The following PCNX2 variants were observed in gnomAD, a reference collection of about 807,000 sequenced individuals.
PCNX2 encodes the protein pecanex-like protein 2.
A neutral mutation model predicts 223.8 loss-of-function variants in PCNX2; 168 were observed. The ratio of observed to expected loss-of-function variants is 0.75; its 90% CI spans 0.66 to 0.85. PCNX2 has a LOEUF of 0.85. Ranked by LOEUF, PCNX2 falls within the 40% of genes least tolerant of loss-of-function variation. PCNX2 has a pLI of 0.00. For missense variants in PCNX2, 2,507 were observed against 2,675.5 expected (o/e 0.94, Z 1.39); for synonymous variants, 1,006 against 1,052.6 (o/e 0.96, Z 0.86).
At chr1:233,322,552 G>T in the PCNX2 span, among the ~76,000 whole-genome samples, 1 of 152,052 alleles carries the variant, frequency 6.6e-6, no homozygotes, top group Admixed American at 6.5e-5. Flanking sequence ...GGTGTGGAGG[G>T]TTACAGACAC....
chr1:233,208,186 T>C (rs779721638), intron 13 of PCNX2, among the ~76,000 whole-genome samples: 7 of 152,196 alleles, frequency 4.6e-5, no homozygotes, highest in Non-Finnish European at 8.8e-5. Context: ...CTTGAAATCC[T>C]GACCTCAGGT....
In PCNX2 at chr1:233,291,864, T is replaced by C. The variant is rs150075776; in HGVS notation, c.153+3462A>G. The C allele has an allele frequency of 1.3e-5, 13 of 985,206 alleles. No homozygotes were observed. In the East Asian group the frequency reaches 3.4e-4, roughly 26 times the overall value. The allele number at this position is 985,206 out of a possible 1,614,324, so 61.0% of individuals were successfully genotyped here. A position where few individuals can be genotyped will look rare whatever the true frequency, so the allele number is the denominator to read the frequency against. On this transcript the variant is annotated intron_variant, in intron 1 of 33. Coordinates refer to ENST00000258229, the MANE Select transcript of PCNX2 (RefSeq NM_014801.4). ...GAAAAGGAGGTTGGGAACTGTGTAT[T>C]TGACATGAGGCTAGTGCTCTCAGAA... is the stretch of plus-strand genomic sequence containing the variant.
intron 9 of PCNX2, among the ~76,000 whole-genome samples, chr1:233,230,802 T>C (rs1043873346): frequency 6.6e-6 from 1 of 152,204 alleles, no homozygotes; most frequent in African/African-American, 2.4e-5. Context: ...CAAGAACAAC[T>C]TACATTATTA....
intron 1 of PCNX2, among the ~76,000 whole-genome samples, chr1:233,282,147 A>T (rs879800744): frequency 5.3e-5 from 8 of 152,130 alleles, no homozygotes; most frequent in Non-Finnish European, 8.8e-5. Context: ...CTGTTTTCTC[A>T]GCAGCGAGCA....
intron 24 of PCNX2, among the ~76,000 whole-genome samples, chr1:233,054,857 TA>T (rs1341940289): frequency 6.6e-6 from 1 of 152,160 alleles, no homozygotes; most frequent in Non-Finnish European, 1.5e-5. Flanking sequence ...ATATATAAAT[TA>T]AAAATTCAGG....
intron 19 of PCNX2, among the ~76,000 whole-genome samples, chr1:233,142,607 G>A (rs1677195314): frequency 6.6e-6 from 1 of 152,118 alleles, no homozygotes; most frequent in Non-Finnish European, 1.5e-5. Flanking sequence ...GTACTTCTCA[G>A]CTTCTTGGAA....
At chr1:233,065,304 G>A (rs1356210639) in intron 23 of PCNX2, among the ~76,000 whole-genome samples, 1 of 152,164 alleles carries the variant, frequency 6.6e-6, no homozygotes, top group Non-Finnish European at 1.5e-5. Context: ...TATTGTAAAA[G>A]TCTATTTCCT....
At chr1:233,220,913 T>C (rs1334422958) in intron 10 of PCNX2, among the ~76,000 whole-genome samples, 2 of 152,222 alleles carry the variant, frequency 1.3e-5, no homozygotes, top group African/African-American at 4.8e-5. Flanking sequence ...GATTGATTGA[T>C]AGATACGTAT....
rs774498456 is a variant in PCNX2 at position 233,250,823 on chromosome 1, C to T, written c.2138G>A (p.Arg713Lys). The T allele has an allele frequency of 1.9e-6, 3 of 1,586,774 alleles. No individual in the cohort carries two copies. Among genetic ancestry groups the T allele is most frequent in the Non-Finnish European group, 2.6e-6 (3 of 1,165,210 alleles). ...ATTTCCAGATTTTAAATAACAGGAT[C>T]TAATTTCCCCTGTAAAATCAGAAAA... ...HVFIDEHGEI[R>K]SCYLKSGNQK... Residue 713 changes from arginine to lysine, a missense_variant, in exon 8 of 34, where the codon AGA (arginine) becomes AAA (lysine). This residue lies in a region of PCNX2 where 1,031 missense variants were observed against 1,021.7 expected (regional missense o/e 1.01). Transcript: ENST00000258229.
chr1:233,206,256 A>G (rs1384842646), intron 13 of PCNX2, among the ~76,000 whole-genome samples: 2 of 152,082 alleles, frequency 1.3e-5, no homozygotes, highest in Non-Finnish European at 2.9e-5. Flanking sequence ...TGACATAGAC[A>G]ATCGTTTCTT....
intron 17 of PCNX2, among the ~76,000 whole-genome samples, chr1:233,170,329 T>A (rs1392503464): frequency 6.6e-6 from 1 of 152,036 alleles, no homozygotes; most frequent in Non-Finnish European, 1.5e-5. Flanking sequence ...AACTTTACAT[T>A]TTTTTTAGTC....
intron 9 of PCNX2, 93 bp downstream of exon 9, chr1:233,236,752 G>T: frequency 6.5e-7 from 1 of 1,534,898 alleles, no homozygotes; most frequent in South Asian, 1.3e-5. Context: ...GGAAAGAGCT[G>T]ACTAATCCTG....
At chr1:233,272,115 C>T (rs576206220) in intron 1 of PCNX2, among the ~76,000 whole-genome samples, 6 of 152,002 alleles carry the variant, frequency 3.9e-5, no homozygotes, top group Non-Finnish European at 8.8e-5. Context: ...CAAAAGCAAA[C>T]GCAACAAAAG....
At chr1:233,103,204 C>T (rs1442965547) in intron 21 of PCNX2, among the ~76,000 whole-genome samples, 2 of 152,176 alleles carry the variant, frequency 1.3e-5, no homozygotes, top group Admixed American at 6.5e-5. Context: ...TTGGTATAGG[C>T]ATGCAATACG....
chr1:233,237,613 T>C (rs1006794487), intron 8 of PCNX2, among the ~76,000 whole-genome samples: 1 of 152,210 alleles, frequency 6.6e-6, no homozygotes, highest in Admixed American at 6.5e-5. Context: ...TTTTTTTCCT[T>C]TGCCTCAGAA....
chr1:233,281,169 A>G (rs914946884), intron 1 of PCNX2, among the ~76,000 whole-genome samples: 3 of 152,226 alleles, frequency 2.0e-5, no homozygotes, highest in Non-Finnish European at 4.4e-5. Flanking sequence ...TCTGAGTGAA[A>G]TATTTGTGTC....
chr1:233,309,009 A>G, the PCNX2 span, among the ~76,000 whole-genome samples: 1 of 152,212 alleles, frequency 6.6e-6, no homozygotes. Context: ...CACCTATGAA[A>G]GAGTGTCTCA....
intron 21 of PCNX2, among the ~76,000 whole-genome samples, chr1:233,113,498 C>A (rs931825925): frequency 6.6e-6 from 1 of 152,122 alleles, no homozygotes; most frequent in Non-Finnish European, 1.5e-5. Context: ...GAGTTTATTT[C>A]TCAAAAAAAC....
chr1:233,155,822 T>C (rs977667536), intron 19 of PCNX2, among the ~76,000 whole-genome samples: 2 of 152,248 alleles, frequency 1.3e-5, no homozygotes, highest in East Asian at 1.9e-4. Flanking sequence ...TCTGGAATCA[T>C]TATAATTCAG....
Sources: allele counts gnomAD v4.1 joint callset (sites outside exome capture counted in the v4.1 genomes callset), GRCh38; gene constraint gnomAD v4.1.1; regional missense constraint gnomAD v4.1.1; transcripts MANE v1.5; gene names NCBI Gene and HGNC (gene_info 2026-07-23, HGNC 2026-07-21).